The following IBTK variants were observed in gnomAD, a reference collection of about 807,000 sequenced individuals.
IBTK encodes the protein BTK-binding protein.
IBTK carries 83 observed loss-of-function variants against 154.9 expected under a neutral mutation model. The observed-to-expected ratio is 0.54, with a 90% CI of 0.45 to 0.64. The LOEUF (loss-of-function observed/expected upper bound fraction) is 0.64. Among genes scored for constraint, IBTK ranks in the 30% least tolerant of loss-of-function variants. The pLI is 0.00. For synonymous variants in IBTK, 515 were observed against 536.1 expected (o/e 0.96, Z 0.54); for missense variants, 1,332 against 1,584.6 (o/e 0.84, Z 2.71).
At chr6:82,227,095 G>C in intron 5 of IBTK, 97 bp downstream of exon 5, 2 of 668,040 alleles carry the variant, frequency 3.0e-6, no homozygotes, top group Non-Finnish European at 5.1e-6. Flanking sequence ...GTATTATTTC[G>C]TCCTTACAGT....
At chr6:82,190,263 C>A (rs1768712906) in intron 25 of IBTK, among the ~76,000 whole-genome samples, 1 of 152,172 alleles carries the variant, frequency 6.6e-6, no homozygotes. Context: ...AATATTCCTT[C>A]TTACAAACAG....
intron 3 of IBTK, 34 bp from the exon 4 acceptor site, chr6:82,231,876 A>T: frequency 7.8e-7 from 1 of 1,284,670 alleles, no homozygotes; most frequent in Non-Finnish European, 1.1e-6. Context: ...ACTTTTTTAT[A>T]TTTTAAAACA....
At chr6:82,191,458 G>A (rs1768766032) in intron 24 of IBTK, 1 of 559,972 alleles carries the variant, frequency 1.8e-6, no homozygotes, top group Non-Finnish European at 3.1e-6. Context: ...CTACATATGA[G>A]CCCTCCAACA....
chr6:82,223,585 T>G lies in IBTK; in HGVS notation c.979A>C (p.Thr327Pro). Reference sequence around the variant, plus strand: ...AGGGCAGAGACCTGACGAGGAGCAGTTACACACTTTTCTCCATTGGGATCT... The same window carrying G: ...AGGGCAGAGACCTGACGAGGAGCAGGTACACACTTTTCTCCATTGGGATCT... ...LLDPNGEKCV[T>P]APRQVSALHH... The change falls in exon 8 of 29, where the codon ACT becomes CCT. Residue 327 changes from threonine to proline, a missense_variant. Transcript: ENST00000306270. 6.2e-7 allele frequency: 1 copy of G among 1,613,388 alleles called. No homozygotes were observed.
In IBTK at chr6:82,210,844, G is replaced by A; in HGVS notation, c.2479C>T (p.Leu827Phe). ...SDILKVILDY[L>F]YTDEAVVIKE... is the part of the protein sequence containing the mutation. ...ATCACCACAGCTTCATCAGTATAGA[G>A]GTAGTCCAAAATAACTTTTAATATA... The change falls in exon 16 of 29, where the codon CTC becomes TTC. Residue 827 changes from leucine (L) to phenylalanine (F), a missense_variant. This residue lies in a region of IBTK where 1,134 missense variants were observed against 1,274.7 expected (regional missense o/e 0.89). Transcript: ENST00000306270. 1 of 1,565,968 alleles carries A rather than the reference G, an allele frequency of 6.4e-7. No homozygotes were observed. The highest frequency in any genetic ancestry group is 8.7e-7 in the Non-Finnish European group (1 of 1,152,026).
intron 1 of IBTK, among the ~76,000 whole-genome samples, chr6:82,244,630 T>C (rs1056265381): frequency 6.6e-6 from 1 of 152,150 alleles, no homozygotes; most frequent in African/African-American, 2.4e-5. Context: ...TGATTATAAA[T>C]CCCCAAATCT....
chr6:82,206,618 T>C (rs1405731725), intron 16 of IBTK, among the ~76,000 whole-genome samples: 1 of 152,170 alleles, frequency 6.6e-6, no homozygotes, highest in Admixed American at 6.6e-5. Flanking sequence ...AATATTATGC[T>C]GATTCTAAAA....
intron 2 of IBTK, among the ~76,000 whole-genome samples, chr6:82,235,139 G>A (rs1770667802): frequency 6.6e-6 from 1 of 152,096 alleles, no homozygotes; most frequent in Non-Finnish European, 1.5e-5. Flanking sequence ...GATTACAGGT[G>A]TGAGCCACCG....
chr6:82,184,706 C>T (rs1768475902), intron 25 of IBTK, among the ~76,000 whole-genome samples: 1 of 152,164 alleles, frequency 6.6e-6, no homozygotes, highest in Admixed American at 6.5e-5. Flanking sequence ...AATGTGTGAA[C>T]AAACTAGTGA....
At chr6:82,181,083 T>C (rs1768302956) in intron 26 of IBTK, among the ~76,000 whole-genome samples, 1 of 152,166 alleles carries the variant, frequency 6.6e-6, no homozygotes, top group Non-Finnish European at 1.5e-5. Flanking sequence ...CATTGGACTT[T>C]CTAAAGCAGT....
At chr6:82,180,142 TTTTATA>T (rs1177142593) in intron 26 of IBTK, among the ~76,000 whole-genome samples, 3 of 152,052 alleles carry the variant, frequency 2.0e-5, no homozygotes, top group East Asian at 1.9e-4. Context: ...ATGTACCTAG[TTTTATA>T]TTTATAAGCC....
intron 25 of IBTK, among the ~76,000 whole-genome samples, chr6:82,183,494 G>C (rs1039022749): frequency 7.2e-5 from 11 of 151,840 alleles, no homozygotes; most frequent in Admixed American, 6.6e-5. Flanking sequence ...AATTTACATG[G>C]AATAGACAAA....
intron 21 of IBTK, among the ~76,000 whole-genome samples, chr6:82,196,937 G>C: frequency 6.6e-6 from 1 of 152,288 alleles, no homozygotes; most frequent in African/African-American, 2.4e-5. Flanking sequence ...CCATAGCAGA[G>C]GCTCCCGCAG....
rs144969650 is a variant in IBTK, at chr6:82,208,673, C to T, written c.2509+2141G>A. ...TGGGAAGGATCACTTGAGCTCAGGA[C>T]GCCGAGGCTGCAGTGAGCCATGACC... On this transcript the variant is annotated intron_variant, in intron 16 of 28. Coordinates refer to ENST00000306270, the MANE Select transcript of IBTK (RefSeq NM_015525.4). Among the ~76,000 whole-genome samples, 203 of 152,090 alleles carry T rather than the reference C, an allele frequency of 1.3e-3. 1 individual carries two copies. The highest frequency in any genetic ancestry group is 4.6e-3 in the African/African-American group (190 of 41,506).
intron 11 of IBTK, among the ~76,000 whole-genome samples, chr6:82,215,293 C>T (rs956797487): frequency 2.0e-5 from 3 of 152,078 alleles, no homozygotes; most frequent in Non-Finnish European, 4.4e-5. Context: ...TTCAACAGTA[C>T]CCTTGATGTT....
intron 2 of IBTK, among the ~76,000 whole-genome samples, chr6:82,235,602 C>CA (rs954066380): frequency 2.2e-4 from 33 of 150,490 alleles, no homozygotes; most frequent in African/African-American, 6.1e-4. Flanking sequence ...CTCAAAAAAA[C>CA]AAAAAAAAAT....
At chr6:82,236,717 G>T (rs561255394) in intron 2 of IBTK, among the ~76,000 whole-genome samples, 1 of 152,300 alleles carries the variant, frequency 6.6e-6, no homozygotes, top group East Asian at 1.9e-4. Flanking sequence ...TAAAATGTGT[G>T]TGGTTTCTTC....
chr6:82,212,641 G>A, intron 13 of IBTK, 66 bp downstream of exon 13: 1 of 954,726 alleles, frequency 1.0e-6, no homozygotes, highest in East Asian at 2.4e-5. Flanking sequence ...GGTAAGCAGA[G>A]ATCTATTTCC....
At position 82,217,948 on chromosome 6, in the gene IBTK, A is replaced by G. The variant is rs758931253; in HGVS notation, c.1426+12T>C. On this transcript the variant is annotated intron_variant, in intron 10 of 28. Transcript: ENST00000306270. ...AAGGTACTTTTACGTATTGTTCAATATATGAACTGACCTTTCTTTTCAGAA... is the reference window on the plus strand; with the variant it reads ...AAGGTACTTTTACGTATTGTTCAATGTATGAACTGACCTTTCTTTTCAGAA... 7.7e-6 allele frequency: 12 copies of G among 1,561,208 alleles called. No homozygotes were observed. The Admixed American group carries it at 9.3e-5, about 12-fold the overall frequency.
Sources: gnomAD v4.1 joint callset for allele counts (sites outside exome capture counted in the v4.1 genomes callset) on GRCh38, gnomAD v4.1.1 for gene constraint, gnomAD v4.1.1 regional missense constraint, MANE v1.5 for transcripts, NCBI Gene and HGNC (gene_info 2026-07-23, HGNC 2026-07-21) for gene names.